The following VSIG10 variants were observed in gnomAD, a reference collection of about 807,000 sequenced individuals.
VSIG10 encodes V-set and immunoglobulin domain containing 10, also known as V-set and immunoglobulin domain-containing protein 10.
In VSIG10, 48 loss-of-function variants were observed where a neutral mutation model predicts 58.7. The observed-to-expected ratio is 0.82, with a 90% confidence interval of 0.65 to 1.04. VSIG10 has a LOEUF of 1.04. VSIG10 is among the 50% of genes least tolerant of loss of function. VSIG10 has a pLI of 0.00. For synonymous variants in VSIG10, 260 were observed against 267.1 expected (o/e 0.97, Z 0.26); for missense variants, 628 against 670.0 (o/e 0.94, Z 0.69).
chr12:118,071,381 A>G lies in VSIG10; in HGVS notation c.1308T>C (p.Tyr436=), dbSNP rs754611623. The change falls in exon 6 of 9, where the codon TAT becomes TAC. Residue 436 remains tyrosine, a synonymous_variant. Coordinates refer to ENST00000359236, the MANE Select transcript of VSIG10 (RefSeq NM_019086.6). The part of the protein sequence containing the change: ...LAIISGLLLH[Y]SPVFCWKVGN... ...TACCTTTCCAGCAGAACACAGGGCT[A>G]TAATGCAACAGAAGCCCTGAGATAA... 1.4e-5 allele frequency: 23 copies of G among 1,613,934 alleles called. No homozygotes were observed. Among genetic ancestry groups the G allele is most frequent in the Middle Eastern group, 3.3e-4 (2 of 6,062 alleles).
At chr12:118,087,094 A>C (rs1269469049) in intron 2 of VSIG10, among the ~76,000 whole-genome samples, 1 of 152,014 alleles carries the variant, frequency 6.6e-6, no homozygotes, top group African/African-American at 2.4e-5. Flanking sequence ...AAAAAAAAGA[A>C]AGAAAGAAAG....
chr12:118,092,151 C>T (rs927470240), intron 2 of VSIG10, among the ~76,000 whole-genome samples: 3 of 152,096 alleles, frequency 2.0e-5, no homozygotes, highest in Admixed American at 2.0e-4. Context: ...CTCCGTCTCC[C>T]AGCTCAAGCG....
chr12:118,075,514 C>G (rs980147798), intron 4 of VSIG10, among the ~76,000 whole-genome samples: 1 of 152,018 alleles, frequency 6.6e-6, no homozygotes, highest in African/African-American at 2.4e-5. Flanking sequence ...TGCCACCATG[C>G]CTGGCTAATT....
intron 2 of VSIG10, among the ~76,000 whole-genome samples, chr12:118,090,066 C>T (rs2033247543): frequency 3.3e-5 from 5 of 151,998 alleles, no homozygotes; most frequent in Non-Finnish European, 1.5e-5. Context: ...TGTAATCCCA[C>T]ACTTTGGGAG....
In VSIG10 at chr12:118,079,378, G is replaced by A; in HGVS notation, c.893C>T (p.Pro298Leu). The change falls in exon 4 of 9, where the codon CCA (proline) becomes CTA (leucine). Residue 298 changes from proline to leucine, a missense_variant. Transcript: ENST00000359236. ...FKCVTSHIVGPESGASCMVQI... is the reference protein window; with the variant it reads ...FKCVTSHIVGLESGASCMVQI... The stretch of plus-strand genomic sequence containing the variant: ...CACCATGCAGCTGGCGCCCGACTCT[G>A]GCCCAACTATGTGGCTTGTAACACA... 6.2e-7 allele frequency: 1 copy of A among 1,613,964 alleles called. No individual in the cohort carries two copies. The highest frequency in any genetic ancestry group is 8.5e-7 in the Non-Finnish European group (1 of 1,179,874).
intron 2 of VSIG10, among the ~76,000 whole-genome samples, chr12:118,093,621 C>T (rs1163021686): frequency 1.3e-5 from 2 of 151,922 alleles, no homozygotes; most frequent in Admixed American, 1.3e-4. Flanking sequence ...TATAAGAGTG[C>T]TCACTATAGC....
chr12:118,094,070 G>A (rs1251393793), intron 2 of VSIG10, among the ~76,000 whole-genome samples: 2 of 152,082 alleles, frequency 1.3e-5, no homozygotes, highest in African/African-American at 2.4e-5. Context: ...GACAGCCTTC[G>A]CCCTGGAATT....
intron 3 of VSIG10, among the ~76,000 whole-genome samples, chr12:118,080,398 G>T (rs1274675451): frequency 6.6e-6 from 1 of 151,998 alleles, no homozygotes; most frequent in Non-Finnish European, 1.5e-5. Flanking sequence ...GGCCTCAGAT[G>T]ATCCACCTGC....
Position 118,095,627 on chromosome 12 carries a change from G to A in VSIG10, c.267C>T (p.His89=), listed in dbSNP as rs774874862. The part of the protein sequence containing the change: ...RFSLVDATSL[H]IESLSLGDEG... ...CATCTCCCAGGCTCAGCGATTCAATGTGCAGGGAGGTGGCATCCACTAGAG... is the reference window on the plus strand; with the variant it reads ...CATCTCCCAGGCTCAGCGATTCAATATGCAGGGAGGTGGCATCCACTAGAG... Residue 89 remains histidine, a synonymous_variant, in exon 2 of 9, where the codon CAC becomes CAT. Transcript: ENST00000359236. 3.7e-6 allele frequency: 6 copies of A among 1,613,994 alleles called. No individual in the cohort carries two copies. Among genetic ancestry groups the A allele is most frequent in the Middle Eastern group, 1.6e-4 (1 of 6,062 alleles).
rs909386821 is a variant in VSIG10, at chr12:118,063,956, T to G, written c.*2683A>C. ...CCCCCTTCCCAGGCTCCACCAGGGT[T>G]TGAGAAAAACAAGAAAAAAGTCAGT... On this transcript the variant is annotated 3_prime_UTR_variant, in exon 9 of 9. Transcript: ENST00000359236. 6.6e-6 allele frequency: 1 copy of G among 152,148 alleles called. No individual in the cohort carries two copies. The highest frequency in any genetic ancestry group is 1.5e-5 in the Non-Finnish European group (1 of 68,018). 9.4% of individuals were successfully genotyped at this position (152,148 alleles called of 1,614,324 possible). A position where few individuals can be genotyped will look rare whatever the true frequency, so the allele number is the denominator to read the frequency against.
intron 4 of VSIG10, among the ~76,000 whole-genome samples, chr12:118,075,037 ATAAAT>A (rs2032655854): frequency 1.3e-5 from 2 of 151,398 alleles, no homozygotes; most frequent in African/African-American, 4.8e-5. Flanking sequence ...TGCCTAATGT[ATAAAT>A]TAACCTTATC....
rs969035217 is a variant in VSIG10 at position 118,068,310 on chromosome 12, T to C, written c.1567+67A>G. 10 of 1,530,438 alleles carry C rather than the reference T, an allele frequency of 6.5e-6. No individual in the cohort carries two copies. The African/African-American group carries it at 6.9e-5, about 11-fold the overall frequency. 94.8% of individuals were successfully genotyped at this position (1,530,438 alleles called of 1,614,324 possible). A position where few individuals can be genotyped will look rare whatever the true frequency, so the allele number is the denominator to read the frequency against. On this transcript the variant is annotated intron_variant, in intron 8 of 8. Transcript: ENST00000359236. Reference sequence around the variant, plus strand: ...TTGGCCTCCCAAAGTGCTGGGATTATAGGCGTGAGCCAACGCGCCTTTTTT... The same window carrying C: ...TTGGCCTCCCAAAGTGCTGGGATTACAGGCGTGAGCCAACGCGCCTTTTTT...
Position 118,065,214 on chromosome 12 carries a change from GAA to G in VSIG10, c.*1423_*1424del, listed in dbSNP as rs2032206256. 1 of 152,240 alleles carries G rather than the reference GAA, an allele frequency of 6.6e-6. No homozygotes were observed. The allele number at this position is 152,240 out of a possible 1,614,324, so 9.4% of individuals were successfully genotyped here. A position where few individuals can be genotyped will look rare whatever the true frequency, so the allele number is the denominator to read the frequency against. The stretch of plus-strand genomic sequence containing the variant: ...TTCCTCTTCCCACTTCCAAGACTGA[GAA>G]AGAGTCCAGATGAGCTGGTTTGCCC... On this transcript the variant is annotated 3_prime_UTR_variant, in exon 9 of 9. Transcript: ENST00000359236.
rs1337447312 is a variant in VSIG10, at chr12:118,065,787, A to G, written c.*852T>C. ...TGTTTTTCAATAAATGGAAGGAAAG[A>G]TGTGTGTGCTTGGTTTTTTTGCTGA... is the stretch of plus-strand genomic sequence containing the variant. On this transcript the variant is annotated 3_prime_UTR_variant, in exon 9 of 9. Coordinates refer to ENST00000359236, the MANE Select transcript of VSIG10 (RefSeq NM_019086.6). 1.3e-5 allele frequency: 2 copies of G among 152,228 alleles called. No individual in the cohort carries two copies. The highest frequency in any genetic ancestry group is 2.9e-5 in the Non-Finnish European group (2 of 68,058). 9.4% of individuals were successfully genotyped at this position (152,228 alleles called of 1,614,324 possible). A position where few individuals can be genotyped will look rare whatever the true frequency, so the allele number is the denominator to read the frequency against.
Position 118,082,367 on chromosome 12 carries a change from A to AGAGGGTGCCGTTGGG in VSIG10, c.409_423dup (p.Pro137_Leu141dup). On this transcript the variant is annotated inframe_insertion, in exon 3 of 9. Coordinates refer to ENST00000359236, the MANE Select transcript of VSIG10 (RefSeq NM_019086.6). ...TCCACCTGGGAGCCCCTGGCTGCGT[A>AGAGGGTGCCGTTGGG]GAGGGTGCCGTTGGGGAGTGTGCCG... The AGAGGGTGCCGTTGGG allele has an allele frequency of 6.2e-7, 1 of 1,613,876 alleles. No individual in the cohort carries two copies. Among genetic ancestry groups the AGAGGGTGCCGTTGGG allele is most frequent in the Middle Eastern group, 1.7e-4 (1 of 6,050 alleles).
chr12:118,066,358 G>A lies in VSIG10; in HGVS notation c.*281C>T. Reference sequence around the variant, plus strand: ...ATCACAGTAGATCAACCTGGATAAAGCCAGGATTCACAGCAGAAGTGGCAC... The same window carrying A: ...ATCACAGTAGATCAACCTGGATAAAACCAGGATTCACAGCAGAAGTGGCAC... On this transcript the variant is annotated 3_prime_UTR_variant, in exon 9 of 9. Transcript: ENST00000359236. The A allele has an allele frequency of 2.1e-6, 1 of 465,684 alleles. No homozygotes were observed. The highest frequency in any genetic ancestry group is 3.9e-6 in the Non-Finnish European group (1 of 254,880). The allele number at this position is 465,684 out of a possible 1,614,324, so 28.8% of individuals were successfully genotyped here. A position where few individuals can be genotyped will look rare whatever the true frequency, so the allele number is the denominator to read the frequency against.
chr12:118,074,739 A>G (rs2032643276), intron 4 of VSIG10, among the ~76,000 whole-genome samples: 1 of 152,158 alleles, frequency 6.6e-6, no homozygotes, highest in Non-Finnish European at 1.5e-5. Flanking sequence ...TTAGCCTCCC[A>G]AAGTGCTAGG....
rs149811681 is a variant in VSIG10 at position 118,081,806 on chromosome 12, C to A, written c.664+321G>T. Among the ~76,000 whole-genome samples the A allele has an allele frequency of 3.0e-3, 459 of 152,226 alleles. 1 individual carries two copies. Among genetic ancestry groups the A allele is most frequent in the African/African-American group, 0.01 (435 of 41,548 alleles). Reference sequence around the variant, plus strand: ...CCAAGGCGGGTGGATCACCTGAGGTCGGGAGTTCAAGACCAGCCTGACCAA... The same window carrying A: ...CCAAGGCGGGTGGATCACCTGAGGTAGGGAGTTCAAGACCAGCCTGACCAA... On this transcript the variant is annotated intron_variant, in intron 3 of 8. Coordinates refer to ENST00000359236, the MANE Select transcript of VSIG10 (RefSeq NM_019086.6).
intron 2 of VSIG10, among the ~76,000 whole-genome samples, chr12:118,092,609 T>C (rs2033329563): frequency 6.6e-6 from 1 of 151,464 alleles, no homozygotes; most frequent in African/African-American, 2.4e-5. Context: ...CACCAACATT[T>C]CAATTTCATT....
Sources: allele counts gnomAD v4.1 joint callset (sites outside exome capture counted in the v4.1 genomes callset), GRCh38; gene constraint gnomAD v4.1.1; transcripts MANE v1.5; gene names NCBI Gene and HGNC (gene_info 2026-07-23, HGNC 2026-07-21).